Variants in PVT1 observed in about 807,000 individuals in gnomAD.
PVT1 encodes CXCR4/PVT1 fusion.
intron 2 of PVT1, among the ~76,000 whole-genome samples, chr8:127,879,733 T>C (rs1014083920): frequency 1.3e-5 from 2 of 152,130 alleles, no homozygotes; most frequent in African/African-American, 4.8e-5. Context: ...CAACCAATGC[T>C]CTCAGAACCA....
chr8:128,091,453 C>T (rs1056383885), intron 5 of PVT1, among the ~76,000 whole-genome samples: 5 of 152,168 alleles, frequency 3.3e-5, no homozygotes, highest in African/African-American at 1.2e-4. Context: ...AGCACCCTGG[C>T]TCACCCGCTC....
At chr8:127,900,557 GTA>G (rs1815746610) in intron 3 of PVT1, among the ~76,000 whole-genome samples, 1 of 152,176 alleles carries the variant, frequency 6.6e-6, no homozygotes, top group Non-Finnish European at 1.5e-5. Flanking sequence ...GTGACATAAC[GTA>G]TAAGATGTCT....
At chr8:127,940,695 G>T (rs1418320242) in intron 3 of PVT1, among the ~76,000 whole-genome samples, 1 of 151,982 alleles carries the variant, frequency 6.6e-6, no homozygotes, top group East Asian at 1.9e-4. Flanking sequence ...TGACCTCCAG[G>T]GCTCAAGGGG....
At chr8:127,924,047 G>T (rs868408247) in intron 3 of PVT1, among the ~76,000 whole-genome samples, 4 of 152,188 alleles carry the variant, frequency 2.6e-5, no homozygotes. Context: ...GTTGGAGGCC[G>T]GGGGTCAGAG....
At chr8:127,937,591 A>AGAGG (rs1299866495) in intron 3 of PVT1, among the ~76,000 whole-genome samples, 1 of 151,290 alleles carries the variant, frequency 6.6e-6, no homozygotes, top group East Asian at 1.9e-4. Context: ...AGAGAGAGAG[A>AGAGG]GAGAGAGAGA....
chr8:128,063,981 G>A (rs1813866798), intron 4 of PVT1, among the ~76,000 whole-genome samples: 1 of 151,800 alleles, frequency 6.6e-6, no homozygotes, highest in Admixed American at 6.6e-5. Flanking sequence ...AATTTTATCT[G>A]TGAATTAAAA....
chr8:127,872,798 A>G (rs1815367042), intron 2 of PVT1, among the ~76,000 whole-genome samples: 1 of 152,238 alleles, frequency 6.6e-6, no homozygotes, highest in Non-Finnish European at 1.5e-5. Context: ...GTCAAAGGCC[A>G]TCATGAGAGT....
intron 3 of PVT1, among the ~76,000 whole-genome samples, chr8:127,909,844 G>C (rs571309696): frequency 6.6e-6 from 1 of 152,208 alleles, no homozygotes; most frequent in East Asian, 1.9e-4. Flanking sequence ...GCCAACTGGA[G>C]TGGAGGGTTG....
In PVT1 at chr8:128,017,861, G is replaced by T. The variant is rs75567566; in HGVS notation, n.912+28570G>T. Among the ~76,000 whole-genome samples the T allele has an allele frequency of 3.5e-3, 537 of 152,296 alleles. 4 individuals carry two copies. Among genetic ancestry groups the T allele is most frequent in the African/African-American group, 0.013 (521 of 41,576 alleles). Reference sequence around the variant, plus strand: ...GGGGCTCTCACTCCTTGTGTCGGGGGTGATGCCACATGTGGCCCAGCTGTA... The same window carrying T: ...GGGGCTCTCACTCCTTGTGTCGGGGTTGATGCCACATGTGGCCCAGCTGTA... On this transcript the variant is annotated intron_variant and non_coding_transcript_variant, in intron 4 of 10. Transcript: ENST00000651587.
intron 3 of PVT1, among the ~76,000 whole-genome samples, chr8:127,921,730 T>C (rs1207802117): frequency 1.3e-5 from 2 of 151,954 alleles, no homozygotes; most frequent in African/African-American, 4.8e-5. Flanking sequence ...TGAGAATCAC[T>C]TGAACTCAGG....
intron 4 of PVT1, among the ~76,000 whole-genome samples, chr8:128,056,197 T>C (rs1031868899): frequency 1.3e-5 from 2 of 152,236 alleles, no homozygotes; most frequent in African/African-American, 4.8e-5. Flanking sequence ...ATTTCCTTCA[T>C]GCCTCAGGTT....
At chr8:127,810,720 G>A (rs149626108) in intron 2 of PVT1, among the ~76,000 whole-genome samples, 7 of 152,316 alleles carry the variant, frequency 4.6e-5, no homozygotes, top group Admixed American at 3.9e-4. Context: ...TCTAAGGTTT[G>A]TGTCTCACAT....
chr8:127,856,546 G>T (rs996361580), intron 2 of PVT1, among the ~76,000 whole-genome samples: 3 of 151,936 alleles, frequency 2.0e-5, no homozygotes, highest in Non-Finnish European at 4.4e-5. Context: ...TCTCCATGTT[G>T]GTCAGGCTGG....
intron 3 of PVT1, among the ~76,000 whole-genome samples, chr8:127,961,069 G>C (rs922586816): frequency 2.6e-5 from 4 of 151,808 alleles, no homozygotes; most frequent in African/African-American, 9.7e-5. Context: ...TGTGGACTTA[G>C]GGTGGTCAGG....
intron 4 of PVT1, among the ~76,000 whole-genome samples, chr8:128,065,358 A>C (rs895039889): frequency 6.6e-6 from 1 of 152,014 alleles, no homozygotes; most frequent in African/African-American, 2.4e-5. Flanking sequence ...CGCCTGGTTA[A>C]TTTTTGTATC....
intron 3 of PVT1, among the ~76,000 whole-genome samples, chr8:127,980,168 C>A (rs1327044739): frequency 1.3e-5 from 2 of 152,160 alleles, no homozygotes; most frequent in Non-Finnish European, 2.9e-5. Flanking sequence ...AGGTGTGAAC[C>A]ACTGTGCCTG....
intron 4 of PVT1, among the ~76,000 whole-genome samples, chr8:128,021,614 C>G (rs943028808): frequency 1.3e-4 from 20 of 152,194 alleles, no homozygotes; most frequent in African/African-American, 4.8e-4. Context: ...TCTTTATACT[C>G]AGTATAATCA....
chr8:127,919,876 G>C (rs563391821), intron 3 of PVT1, among the ~76,000 whole-genome samples: 2 of 152,272 alleles, frequency 1.3e-5, no homozygotes, highest in Non-Finnish European at 1.5e-5. Context: ...GCAGTTTGGG[G>C]GTCTCCTGAA....
In PVT1 at chr8:127,839,549, C is replaced by CA. The variant is rs1216290238; in HGVS notation, n.372+43483dup. Among the ~76,000 whole-genome samples the CA allele has an allele frequency of 8.4e-3, 635 of 75,630 alleles. 5 individuals carry two copies. The highest frequency in any genetic ancestry group is 0.032 in the African/African-American group (606 of 18,692). 49.6% of individuals were successfully genotyped at this position (75,630 alleles called of 152,430 possible). On this transcript the variant is annotated intron_variant and non_coding_transcript_variant, in intron 2 of 10. Transcript: ENST00000651587. ...TGGGTGAGAGAGTGAGATCCTATCTCAAAAATAAAAAATAAAAAAAAAATG... is the reference window on the plus strand; with the variant it reads ...TGGGTGAGAGAGTGAGATCCTATCTCAAAAAATAAAAAATAAAAAAAAAATG...
Sources: allele counts gnomAD v4.1 joint callset (sites outside exome capture counted in the v4.1 genomes callset), GRCh38; gene constraint gnomAD v4.1.1; transcripts MANE v1.5; gene names NCBI Gene and HGNC (gene_info 2026-07-23, HGNC 2026-07-21).